DGKI: variants seen among roughly 807,000 people sequenced by gnomAD.
DGKI encodes the protein diacylglycerol kinase iota, also known as DAG kinase iota.
DGKI carries 55 observed loss-of-function variants against 147.5 expected under a neutral mutation model. The observed-to-expected ratio is 0.37, with a 90% CI of 0.30 to 0.47. The LOEUF is 0.47. Among genes scored for constraint, DGKI ranks in the 20% least tolerant of loss-of-function variants. The pLI is 1.00. For synonymous variants in DGKI, 469 were observed against 477.1 expected (o/e 0.98, Z 0.22); for missense variants, 1,007 against 1,323.8 (o/e 0.76, Z 3.71).
chr7:137,765,460 G>T (rs1795988256), intron 1 of DGKI, among the ~76,000 whole-genome samples: 1 of 152,134 alleles, frequency 6.6e-6, no homozygotes, highest in African/African-American at 2.4e-5. Flanking sequence ...CCACAAATTT[G>T]ATGAGCACAC....
At chr7:137,588,308 T>A (rs1217377229) in intron 12 of DGKI, among the ~76,000 whole-genome samples, 1 of 151,938 alleles carries the variant, frequency 6.6e-6, no homozygotes, top group Non-Finnish European at 1.5e-5. Context: ...TTTGTACGAG[T>A]CATGTTTCTC....
chr7:137,722,988 A>C, intron 1 of DGKI: 1 of 560,198 alleles, frequency 1.8e-6, no homozygotes, highest in Non-Finnish European at 3.1e-6. Context: ...AAATGAATCT[A>C]CTTCTCTGTG....
Position 137,777,805 on chromosome 7 carries a change from A to G in DGKI, c.401+68657T>C, listed in dbSNP as rs368153247. Among the ~76,000 whole-genome samples the G allele has an allele frequency of 7.2e-5, 11 of 152,226 alleles. No homozygotes were observed. The East Asian group carries it at 9.6e-4, about 13-fold the overall frequency. On this transcript the variant is annotated intron_variant, in intron 1 of 32. Coordinates refer to ENST00000614521, the MANE Select transcript of DGKI (RefSeq NM_001321708.2). Reference sequence around the variant, plus strand: ...ATAACTGAGGCATTTCTGTGGTTCTAACTTTACCTTGTTAATCGCATATTG... The same window carrying G: ...ATAACTGAGGCATTTCTGTGGTTCTGACTTTACCTTGTTAATCGCATATTG...
At chr7:137,526,781 A>T (rs953273410) in intron 20 of DGKI, among the ~76,000 whole-genome samples, 1 of 152,094 alleles carries the variant, frequency 6.6e-6, no homozygotes, top group Non-Finnish European at 1.5e-5. Flanking sequence ...ATTTCAATCC[A>T]TCAGAGTCGT....
chr7:137,809,926 T>TA (rs909045172), intron 1 of DGKI, among the ~76,000 whole-genome samples: 17 of 150,302 alleles, frequency 1.1e-4, no homozygotes, highest in African/African-American at 3.2e-4. Context: ...CCACATAAGT[T>TA]AAAAAAAAAG....
chr7:137,621,930 CAA>C (rs1820762668), intron 7 of DGKI, among the ~76,000 whole-genome samples: 1 of 152,306 alleles, frequency 6.6e-6, no homozygotes, highest in Non-Finnish European at 1.5e-5. Context: ...GAACCAGGAG[CAA>C]AGATAGCAGC....
At chr7:137,514,468 T>A (rs1816686253) in intron 21 of DGKI, among the ~76,000 whole-genome samples, 1 of 152,132 alleles carries the variant, frequency 6.6e-6, no homozygotes, top group Non-Finnish European at 1.5e-5. Context: ...TTACTCAACT[T>A]CTCTGAAACG....
intron 23 of DGKI, among the ~76,000 whole-genome samples, chr7:137,477,237 C>G (rs1333391112): frequency 6.6e-6 from 1 of 152,002 alleles, no homozygotes; most frequent in Non-Finnish European, 1.5e-5. Flanking sequence ...GCAGGCAACC[C>G]CAACCCAGAC....
intron 1 of DGKI, among the ~76,000 whole-genome samples, chr7:137,836,894 TG>T (rs1244794698): frequency 6.6e-6 from 1 of 152,184 alleles, no homozygotes; most frequent in Non-Finnish European, 1.5e-5. Context: ...GAGGTCTGGC[TG>T]GGCCCATGAA....
At chr7:137,525,887 C>T (rs1008242672) in intron 20 of DGKI, among the ~76,000 whole-genome samples, 2 of 151,848 alleles carry the variant, frequency 1.3e-5, no homozygotes, top group African/African-American at 4.9e-5. Context: ...GCTGGGCTAC[C>T]TCTGGGGGGA....
At chr7:137,478,329 A>C (rs1357240960) in intron 23 of DGKI, among the ~76,000 whole-genome samples, 1 of 152,230 alleles carries the variant, frequency 6.6e-6, no homozygotes, top group African/African-American at 2.4e-5. Context: ...ATGCTCGCAC[A>C]TTCTTAACCT....
rs376335835 is a variant in DGKI, at chr7:137,542,389, A to G, written c.2147+9980T>C. 2.0e-5 allele frequency among the ~76,000 whole-genome samples: 3 copies of G among 152,352 alleles called. No individual in the cohort carries two copies. The East Asian group carries it at 5.8e-4, about 29-fold the overall frequency. On this transcript the variant is annotated intron_variant, in intron 20 of 32. Coordinates refer to ENST00000614521, the MANE Select transcript of DGKI (RefSeq NM_001321708.2). ...GATATCCTTCAATGGGGGAGTGGGT[A>G]AACAAGCTAAAACATCCATACAATG... is the stretch of plus-strand genomic sequence containing the variant.
intron 30 of DGKI, among the ~76,000 whole-genome samples, chr7:137,402,146 G>T (rs1811783494): frequency 6.6e-6 from 1 of 152,210 alleles, no homozygotes; most frequent in Non-Finnish European, 1.5e-5. Flanking sequence ...AAAGAGGTTA[G>T]CAGTGATTGT....
chr7:137,620,656 G>T (rs1454155826), intron 7 of DGKI, among the ~76,000 whole-genome samples: 1 of 152,156 alleles, frequency 6.6e-6, no homozygotes, highest in African/African-American at 2.4e-5. Flanking sequence ...TTGAAAGGAA[G>T]TAAATGTAGG....
chr7:137,478,667 A>G (rs1815262831), intron 23 of DGKI, among the ~76,000 whole-genome samples: 1 of 152,134 alleles, frequency 6.6e-6, no homozygotes, highest in African/African-American at 2.4e-5. Context: ...GAAGGGTGAA[A>G]AGCAGTGCAA....
At chr7:137,673,563 G>A (rs756102008) in intron 3 of DGKI, among the ~76,000 whole-genome samples, 6 of 152,132 alleles carry the variant, frequency 3.9e-5, no homozygotes, top group Admixed American at 6.5e-5. Context: ...CTTTAAATCA[G>A]GAAACTGAGG....
intron 21 of DGKI, among the ~76,000 whole-genome samples, chr7:137,516,052 C>A (rs981129827): frequency 6.6e-6 from 1 of 152,070 alleles, no homozygotes; most frequent in African/African-American, 2.4e-5. Context: ...CCTACCTCCA[C>A]CAAATGGAGG....
chr7:137,831,821 T>C (rs1798228965), intron 1 of DGKI, among the ~76,000 whole-genome samples: 1 of 152,230 alleles, frequency 6.6e-6, no homozygotes, highest in South Asian at 2.1e-4. Flanking sequence ...CCCTTCTGCC[T>C]ATGAGCCTGT....
At chr7:137,655,639 T>C (rs1283746117) in intron 4 of DGKI, among the ~76,000 whole-genome samples, 1 of 152,172 alleles carries the variant, frequency 6.6e-6, no homozygotes, top group Non-Finnish European at 1.5e-5. Flanking sequence ...GTAAGTGAAG[T>C]TGGGGCAGAA....
Sources: gnomAD v4.1 joint callset for allele counts (sites outside exome capture counted in the v4.1 genomes callset) on GRCh38, gnomAD v4.1.1 for gene constraint, MANE v1.5 for transcripts, NCBI Gene and HGNC (gene_info 2026-07-23, HGNC 2026-07-21) for gene names.